The following ZNF679 variants were observed in gnomAD, a reference collection of about 807,000 sequenced individuals.
ZNF679 encodes zinc finger protein 679.
In ZNF679, 10 loss-of-function variants were observed where a neutral mutation model predicts 13.4. That is an observed-to-expected ratio of 0.75 (90% CI 0.46 to 1.27). The LOEUF (loss-of-function observed/expected upper bound fraction) is 1.27, where lower values mean the gene tolerates loss of function less well. Among genes scored for constraint, ZNF679 ranks in the 50% most tolerant of loss-of-function variants. The pLI is 0.00. For missense variants in ZNF679, 525 were observed against 477.8 expected, an observed-to-expected ratio of 1.10 and a Z score of -0.92; for synonymous variants, 179 against 162.5, an observed-to-expected ratio of 1.10 and a Z score of -0.77.
intron 2 of ZNF679, among the ~76,000 whole-genome samples, chr7:64,258,165 G>A (rs376072687): frequency 6.6e-5 from 10 of 151,416 alleles, no homozygotes; most frequent in African/African-American, 2.2e-4. Context: ...GGAGAAGCTC[G>A]TTGTTCTCTG....
At chr7:64,255,354 C>T (rs1049316697) in intron 2 of ZNF679, among the ~76,000 whole-genome samples, 43 of 152,312 alleles carry the variant, frequency 2.8e-4, no homozygotes, top group African/African-American at 1.0e-3. Flanking sequence ...TCCACCACAG[C>T]GCTTTTGCTT....
chr7:64,232,536 T>C (rs1053963390), intron 1 of ZNF679, among the ~76,000 whole-genome samples: 1 of 152,226 alleles, frequency 6.6e-6, no homozygotes, highest in African/African-American at 2.4e-5. Flanking sequence ...TCACGTTACC[T>C]TGGTTCTGTG....
intron 1 of ZNF679, among the ~76,000 whole-genome samples, chr7:64,242,076 T>C (rs898470552): frequency 2.0e-5 from 3 of 152,188 alleles, no homozygotes; most frequent in Admixed American, 6.5e-5. Flanking sequence ...ACCCCACTTA[T>C]AAACAGTGTC....
chr7:64,237,228 T>C (rs1485199137), intron 1 of ZNF679, among the ~76,000 whole-genome samples: 1 of 152,214 alleles, frequency 6.6e-6, no homozygotes, highest in Non-Finnish European at 1.5e-5. Context: ...ATGAGTCCTC[T>C]GGGCACTTAC....
At chr7:64,245,444 G>GAGA (rs1562842851) in intron 1 of ZNF679, among the ~76,000 whole-genome samples, 2 of 113,584 alleles carry the variant, frequency 1.8e-5, no homozygotes, top group Non-Finnish European at 4.2e-5. Context: ...AGAGAGAGAG[G>GAGA]GAGAGAGAGA....
intron 2 of ZNF679, among the ~76,000 whole-genome samples, chr7:64,257,056 A>ATTTGAAGTTAG (rs1434101768): frequency 1.3e-5 from 2 of 150,530 alleles, no homozygotes; most frequent in Non-Finnish European, 3.0e-5. Context: ...GATTTTGGTT[A>ATTTGAAGTTAG]TTTGAAGTTA....
chr7:64,231,226 T>C (rs935585105), intron 1 of ZNF679, among the ~76,000 whole-genome samples: 6 of 152,236 alleles, frequency 3.9e-5, no homozygotes, highest in African/African-American at 1.4e-4. Context: ...TCTATTGTCT[T>C]GGTCCAGGTA....
At chr7:64,235,412 G>A (rs1295286897) in intron 1 of ZNF679, among the ~76,000 whole-genome samples, 1 of 149,200 alleles carries the variant, frequency 6.7e-6, no homozygotes, top group Non-Finnish European at 1.5e-5. Flanking sequence ...TAAGAAAAAG[G>A]AAAAGATGTC....
chr7:64,230,611 T>C (rs1787625593), intron 1 of ZNF679, among the ~76,000 whole-genome samples: 1 of 150,662 alleles, frequency 6.6e-6, no homozygotes, highest in Non-Finnish European at 1.5e-5. Context: ...GTAGCCCAAA[T>C]ATATGTCACT....
At chr7:64,240,384 T>C (rs908964964) in intron 1 of ZNF679, among the ~76,000 whole-genome samples, 3 of 152,156 alleles carry the variant, frequency 2.0e-5, no homozygotes, top group Non-Finnish European at 4.4e-5. Flanking sequence ...TGGATCCAGC[T>C]AAGAGAACAG....
rs779856638 is a variant in ZNF679, at chr7:64,266,566, C to A, written c.933C>A (p.Leu311=). Residue 311 remains leucine (L), a synonymous_variant, in exon 5 of 5, where the codon CTC becomes CTA. Coordinates refer to ENST00000421025, the MANE Select transcript of ZNF679 (RefSeq NM_153363.3). ...CGKAFSLSSS[L]TYHKRIHTGE... ...AAGCCTTTAGCTTATCCTCATCCCT[C>A]ACTTACCACAAGAGAATTCATACTG... 1 of 1,609,082 alleles carries A rather than the reference C, an allele frequency of 6.2e-7. No homozygotes were observed. The highest frequency in any genetic ancestry group is 8.5e-7 in the Non-Finnish European group (1 of 1,177,576).
At position 64,266,312 on chromosome 7, in the gene ZNF679, C is replaced by G. The variant is rs1327623392; in HGVS notation, c.679C>G (p.Leu227Val). ...CAAACCCTTCAACTGCTCTTCAACC[C>G]TTTCTAAACATAAAAGAATTCATAC... is the stretch of plus-strand genomic sequence containing the variant. Reference protein sequence around the residue: ...CGKPFNCSSTLSKHKRIHTGE... With the variant: ...CGKPFNCSSTVSKHKRIHTGE... Residue 227 changes from leucine to valine, a missense_variant, in exon 5 of 5, where the codon CTT becomes GTT. Coordinates refer to ENST00000421025, the MANE Select transcript of ZNF679 (RefSeq NM_153363.3). 3 of 1,611,244 alleles carry G rather than the reference C, an allele frequency of 1.9e-6. No individual in the cohort carries two copies. The highest frequency in any genetic ancestry group is 1.3e-5 in the African/African-American group (1 of 74,920).
At chr7:64,259,653 T>C (rs1188643771) in intron 2 of ZNF679, among the ~76,000 whole-genome samples, 2 of 151,960 alleles carry the variant, frequency 1.3e-5, no homozygotes, top group Non-Finnish European at 2.9e-5. Flanking sequence ...TTAGGCCAGG[T>C]GCGGGGGCTC....
chr7:64,265,918 A>G lies in ZNF679; in HGVS notation c.285A>G (p.Gln95=). ...CAGTTATGTGTTCTCATTTCACCCA[A>G]GACCTTCCGCCAGAGCTAGGCATAA... ...KHPVMCSHFT[Q]DLPPELGIKD... Residue 95 remains glutamine, a synonymous_variant, in exon 5 of 5, where the codon CAA becomes CAG. Coordinates refer to ENST00000421025, the MANE Select transcript of ZNF679 (RefSeq NM_153363.3). 2 of 1,613,728 alleles carry G rather than the reference A, an allele frequency of 1.2e-6. No homozygotes were observed. The highest frequency in any genetic ancestry group is 1.7e-6 in the Non-Finnish European group (2 of 1,179,824).
chr7:64,251,877 T>C (rs780661720), intron 2 of ZNF679, among the ~76,000 whole-genome samples: 7 of 152,208 alleles, frequency 4.6e-5, no homozygotes, highest in Non-Finnish European at 7.3e-5. Context: ...ACTTTTCCTA[T>C]AAAAAGCTAA....
intron 1 of ZNF679, among the ~76,000 whole-genome samples, chr7:64,237,946 G>A (rs1787749670): frequency 6.6e-6 from 1 of 152,038 alleles, no homozygotes; most frequent in Admixed American, 6.6e-5. Flanking sequence ...GTGAGTCCTG[G>A]TAAATAGTTA....
intron 4 of ZNF679, 86 bp from the exon 5 acceptor site, chr7:64,265,805 AGTACC>A: frequency 7.0e-7 from 1 of 1,428,704 alleles, no homozygotes. Flanking sequence ...ATTTTGCTAA[AGTACC>A]TTGTATAATT....
intron 4 of ZNF679, among the ~76,000 whole-genome samples, chr7:64,265,120 A>G (rs1297527818): frequency 1.3e-5 from 2 of 152,064 alleles, no homozygotes; most frequent in African/African-American, 4.8e-5. Flanking sequence ...TGATTAGACC[A>G]TGTTGTCTTC....
At position 64,266,523 on chromosome 7, in the gene ZNF679, CAT is replaced by C. The variant is rs1320784324; in HGVS notation, c.891_892del (p.Cys298Ter). 7 of 1,611,866 alleles carry C rather than the reference CAT, an allele frequency of 4.3e-6. No homozygotes were observed. Among genetic ancestry groups the C allele is most frequent in the East Asian group, 2.2e-5 (1 of 44,762 alleles). On this transcript the variant is annotated frameshift_variant, in exon 5 of 5. Transcript: ENST00000421025. LOFTEE classifies it low-confidence loss of function (END_TRUNC). The stretch of plus-strand genomic sequence containing the variant: ...ATTCATACTGGAGAGAAACCATACA[CAT>C]GTGAAGAATGTGGCAAAGCCTTTAG...
Sources: gnomAD v4.1 joint callset for allele counts (sites outside exome capture counted in the v4.1 genomes callset) on GRCh38, gnomAD v4.1.1 for gene constraint, MANE v1.5 for transcripts, NCBI Gene and HGNC (gene_info 2026-07-23, HGNC 2026-07-21) for gene names.